RFC3: variants seen among roughly 807,000 people sequenced by gnomAD.
The protein encoded by RFC3 is replication factor C subunit 3.
In RFC3, 41 loss-of-function variants were observed where a neutral mutation model predicts 45.1. That is an observed-to-expected ratio of 0.91 (90% CI 0.71 to 1.18). The LOEUF is 1.18. RFC3 is among the 50% of genes most tolerant of loss of function. RFC3 has a pLI of 0.00. For missense variants in RFC3, 423 were observed against 428.1 expected (o/e 0.99, Z 0.10); for synonymous variants, 149 against 144.0 (o/e 1.03, Z -0.25).
In RFC3 at chr13:33,915,810, A is replaced by G. The variant is rs556698863; in HGVS notation, c.880-50277A>G. On this transcript the variant is annotated intron_variant, in intron 8 of 8. Coordinates refer to the RFC3 transcript ENST00000434425. ...TATTTCTATATTTCTATATATATAT[A>G]TATTTTGAGAGAGAGTCTCACTCTG... 2.9e-3 allele frequency among the ~76,000 whole-genome samples: 436 copies of G among 151,982 alleles called. 1 individual carries two copies. The highest frequency in any genetic ancestry group is 0.01 in the African/African-American group (420 of 41,478).
chr13:33,918,256 A>G (rs1229840075), intron 8 of RFC3, among the ~76,000 whole-genome samples: 1 of 152,134 alleles, frequency 6.6e-6, no homozygotes, highest in Non-Finnish European at 1.5e-5. Context: ...TGGAATACAC[A>G]CTGTTAACAA....
intron 8 of RFC3, among the ~76,000 whole-genome samples, chr13:33,901,047 C>T (rs1209626607): frequency 2.0e-5 from 3 of 151,730 alleles, no homozygotes; most frequent in Non-Finnish European, 4.4e-5. Context: ...ATAATGGATG[C>T]TGGTGAGGAT....
At chr13:33,834,860 C>A (rs1401539701) in intron 7 of RFC3, among the ~76,000 whole-genome samples, 1 of 152,026 alleles carries the variant, frequency 6.6e-6, no homozygotes, top group East Asian at 1.9e-4. Flanking sequence ...TAATTAGGAA[C>A]CCTGAATATA....
intron 8 of RFC3, among the ~76,000 whole-genome samples, chr13:33,946,761 A>G (rs149344027): frequency 6.6e-6 from 1 of 152,352 alleles, no homozygotes; most frequent in Non-Finnish European, 1.5e-5. Flanking sequence ...TCATTTTAAT[A>G]GTCTTTATAG....
chr13:33,971,984 G>A, the RFC3 span, among the ~76,000 whole-genome samples: 1 of 151,912 alleles, frequency 6.6e-6, no homozygotes, highest in African/African-American at 2.4e-5. Flanking sequence ...GCATGGTGGC[G>A]TGCACCTGTA....
At chr13:33,973,591 A>ACTCCTT in the RFC3 span, among the ~76,000 whole-genome samples, 20 of 148,332 alleles carry the variant, frequency 1.3e-4, no homozygotes, top group African/African-American at 3.0e-4. Context: ...GTCATTTTCA[A>ACTCCTT]CTCCTTCTCC....
intron 8 of RFC3, among the ~76,000 whole-genome samples, chr13:33,937,119 C>T (rs1201775974): frequency 1.3e-5 from 2 of 152,084 alleles, no homozygotes; most frequent in Non-Finnish European, 2.9e-5. Flanking sequence ...GTTTCAGATA[C>T]GCGAGGGATC....
At chr13:33,907,147 C>T (rs1024837156) in intron 8 of RFC3, among the ~76,000 whole-genome samples, 5 of 152,038 alleles carry the variant, frequency 3.3e-5, no homozygotes, top group Admixed American at 2.0e-4. Context: ...TTCTGTTGCT[C>T]ACATACCACT....
chr13:33,884,047 GCT>G (rs1342526868), intron 8 of RFC3, among the ~76,000 whole-genome samples: 1 of 152,156 alleles, frequency 6.6e-6, no homozygotes, highest in African/African-American at 2.4e-5. Context: ...CAGTCAGAAA[GCT>G]CAACTGTGTA....
intron 8 of RFC3, among the ~76,000 whole-genome samples, chr13:33,865,718 C>A (rs565579487): frequency 1.3e-5 from 2 of 152,090 alleles, no homozygotes; most frequent in Non-Finnish European, 2.9e-5. Flanking sequence ...TTGAATAAAA[C>A]CTAGGTTCTA....
At chr13:33,870,442 A>C (rs1156316898) in intron 8 of RFC3, among the ~76,000 whole-genome samples, 4 of 152,248 alleles carry the variant, frequency 2.6e-5, no homozygotes, top group African/African-American at 9.6e-5. Flanking sequence ...ATGTTTCTAA[A>C]TATACAACAT....
At chr13:33,893,754 C>G (rs900477386) in intron 8 of RFC3, among the ~76,000 whole-genome samples, 1 of 151,698 alleles carries the variant, frequency 6.6e-6, no homozygotes, top group Non-Finnish European at 1.5e-5. Flanking sequence ...TTATTAGAGG[C>G]TCTCAACAGC....
downstream of RFC3, among the ~76,000 whole-genome samples, chr13:33,837,706 G>T (rs1171180124): frequency 1.3e-5 from 2 of 151,942 alleles, no homozygotes; most frequent in African/African-American, 4.8e-5. Flanking sequence ...CTATGTTGTT[G>T]TCCATTTATA....
intron 8 of RFC3, among the ~76,000 whole-genome samples, chr13:33,963,120 T>A (rs1227430166): frequency 6.6e-6 from 1 of 152,082 alleles, no homozygotes; most frequent in Non-Finnish European, 1.5e-5. Flanking sequence ...TCTCCATGTT[T>A]CTTTATTTTT....
At chr13:33,840,373 T>A (rs2082188937), downstream of RFC3, among the ~76,000 whole-genome samples, 1 of 152,168 alleles carries the variant, frequency 6.6e-6, no homozygotes, top group Admixed American at 6.5e-5. Context: ...GTTTTTATGT[T>A]TCTCTTTAAA....
chr13:33,924,256 A>G (rs2082787960), intron 8 of RFC3, among the ~76,000 whole-genome samples: 1 of 152,016 alleles, frequency 6.6e-6, no homozygotes, highest in Admixed American at 6.6e-5. Context: ...ATTTTTATAC[A>G]AACATCACCG....
chr13:33,821,094 G>GT, intron 1 of RFC3, 38 bp from the exon 2 acceptor site: 2 of 1,611,038 alleles, frequency 1.2e-6, no homozygotes, highest in Non-Finnish European at 1.7e-6. Context: ...GAGCAGTTCA[G>GT]TTTGACTAGG....
intron 8 of RFC3, among the ~76,000 whole-genome samples, chr13:33,858,630 C>T (rs1160583373): frequency 6.6e-6 from 1 of 152,158 alleles, no homozygotes; most frequent in Non-Finnish European, 1.5e-5. Context: ...ACTTATTTCT[C>T]AATGGCAAGA....
chr13:33,967,761 C>G, downstream of RFC3, among the ~76,000 whole-genome samples: 1 of 151,894 alleles, frequency 6.6e-6, no homozygotes. Context: ...GCTGGGATTA[C>G]AGGTGTGAGC....
Sources: gnomAD v4.1 joint callset for allele counts (sites outside exome capture counted in the v4.1 genomes callset) on GRCh38, gnomAD v4.1.1 for gene constraint, MANE v1.5 for transcripts, NCBI Gene and HGNC (gene_info 2026-07-23, HGNC 2026-07-21) for gene names.